Variants in EFCAB8 observed in about 807,000 individuals in gnomAD.
EFCAB8 encodes the protein EF-hand calcium binding domain 8.
In EFCAB8, 100 loss-of-function variants were observed where a neutral mutation model predicts 116.3. The ratio of observed to expected loss-of-function variants is 0.86; its 90% CI spans 0.73 to 1.02. The LOEUF is 1.02. Ranked by LOEUF, EFCAB8 falls within the 50% of genes least tolerant of loss-of-function variation. EFCAB8 has a pLI of 0.00. For missense variants in EFCAB8, 1,320 were observed against 1,416.9 expected, an observed-to-expected ratio of 0.93 and a Z score of 1.10; for synonymous variants, 558 against 567.9, an observed-to-expected ratio of 0.98 and a Z score of 0.25.
chr20:32,917,161 T>C (rs1006232792), intron 17 of EFCAB8, 140 bp from the exon 18 acceptor site: 3 of 659,902 alleles, frequency 4.5e-6, no homozygotes, highest in Non-Finnish European at 5.2e-6. Flanking sequence ...CAATGGGACA[T>C]GGCTTCAGCC....
intron 4 of EFCAB8, 87 bp downstream of exon 4, chr20:32,876,131 G>A: frequency 8.5e-7 from 1 of 1,169,682 alleles, no homozygotes; most frequent in Non-Finnish European, 1.2e-6. Flanking sequence ...GAAGATGGGA[G>A]GCCATCACGA....
chr20:32,891,849 G>C (rs1380964985), intron 7 of EFCAB8, among the ~76,000 whole-genome samples: 1 of 150,716 alleles, frequency 6.6e-6, no homozygotes, highest in Non-Finnish European at 1.5e-5. Flanking sequence ...TTTTAATTGA[G>C]ACAGGGTCTT....
intron 17 of EFCAB8, among the ~76,000 whole-genome samples, chr20:32,916,542 A>G (rs905512531): frequency 6.6e-6 from 1 of 152,156 alleles, no homozygotes; most frequent in Non-Finnish European, 1.5e-5. Flanking sequence ...TATAGGCATG[A>G]GCCACCATGC....
chr20:32,886,847 A>G (rs1985657309), intron 6 of EFCAB8, among the ~76,000 whole-genome samples: 1 of 152,168 alleles, frequency 6.6e-6, no homozygotes, highest in Middle Eastern at 3.2e-3. Flanking sequence ...ACCCACTGTC[A>G]TGCAGATGGA....
chr20:32,930,238 G>T (rs1987842501), intron 20 of EFCAB8, among the ~76,000 whole-genome samples, 160 bp from the exon 21 acceptor site: 1 of 152,196 alleles, frequency 6.6e-6, no homozygotes, highest in Non-Finnish European at 1.5e-5. Flanking sequence ...GACGTTCCTT[G>T]TCACCAGCTG....
chr20:32,950,450 A>T (rs1344163589), intron 23 of EFCAB8, among the ~76,000 whole-genome samples: 5 of 152,238 alleles, frequency 3.3e-5, no homozygotes, highest in Non-Finnish European at 7.3e-5. Context: ...AACAGTCAAC[A>T]GGGACAGGTT....
Position 32,878,671 on chromosome 20 carries a change from A to G in EFCAB8, c.328-33A>G, listed in dbSNP as rs572205831. On this transcript the variant is annotated intron_variant, in intron 4 of 26. Transcript: ENST00000400522. ...TGAAGGCTGAGACCATTTTGCCAAT[A>G]CCCTGCCTCCCTTGTGCTTTCTTTC... is the stretch of plus-strand genomic sequence containing the variant. 193 of 1,531,562 alleles carry G rather than the reference A, an allele frequency of 1.3e-4. 5 individuals carry two copies. The South Asian group carries it at 2.2e-3, about 17-fold the overall frequency. The allele number at this position is 1,531,562 out of a possible 1,614,324, so 94.9% of individuals were successfully genotyped here.
rs569770244 is a variant in EFCAB8 at position 32,946,126 on chromosome 20, T to A, written c.2959+2322T>A. Among the ~76,000 whole-genome samples the A allele has an allele frequency of 8.5e-4, 130 of 152,370 alleles. 1 individual carries two copies. Among genetic ancestry groups the A allele is most frequent in the African/African-American group, 3.0e-3 (123 of 41,596 alleles). ...TTCCACAGAGCGGCAGGAGGGACTC[T>A]GATAGTGTGTGCTAGTCTAAATTGT... On this transcript the variant is annotated intron_variant, in intron 23 of 26. Transcript: ENST00000400522.
At chr20:32,874,315 C>T (rs765442052) in intron 3 of EFCAB8, among the ~76,000 whole-genome samples, 2 of 152,052 alleles carry the variant, frequency 1.3e-5, no homozygotes, top group African/African-American at 4.8e-5. Context: ...CTCTGCCTCC[C>T]GGGTTCAAGC....
At chr20:32,934,634 C>T (rs1259362725) in intron 22 of EFCAB8, among the ~76,000 whole-genome samples, 1 of 152,116 alleles carries the variant, frequency 6.6e-6, no homozygotes, top group Non-Finnish European at 1.5e-5. Context: ...GTGGGAGGGA[C>T]CTGGTGGGAG....
At chr20:32,890,535 A>G (rs943586541) in intron 7 of EFCAB8, among the ~76,000 whole-genome samples, 1 of 152,170 alleles carries the variant, frequency 6.6e-6, no homozygotes, top group African/African-American at 2.4e-5. Context: ...TCAGTGTCTC[A>G]GTGCCTGGTA....
At chr20:32,934,624 G>A (rs1160163700) in intron 22 of EFCAB8, among the ~76,000 whole-genome samples, 5 of 152,174 alleles carry the variant, frequency 3.3e-5, no homozygotes, top group Admixed American at 6.5e-5. Flanking sequence ...CCCAGCTGTC[G>A]TGGGAGGGAC....
At chr20:32,863,907 A>G (rs1218269443) in intron 2 of EFCAB8, 73 bp downstream of exon 2, 2 of 1,500,568 alleles carry the variant, frequency 1.3e-6, no homozygotes, top group Admixed American at 2.0e-5. Flanking sequence ...ACTTACCAGC[A>G]TGGAAGTATA....
chr20:32,958,326 T>A (rs1936201), intron 23 of EFCAB8, 95 bp from the exon 24 acceptor site: 235 of 410,264 alleles, frequency 5.7e-4, no homozygotes, highest in African/African-American at 4.6e-3. Context: ...GGATAGGGGC[T>A]GCTAGCTGAC....
At chr20:32,859,226 C>T (rs750438836) in intron 1 of EFCAB8, among the ~76,000 whole-genome samples, 1 of 152,174 alleles carries the variant, frequency 6.6e-6, no homozygotes, top group African/African-American at 2.4e-5. Context: ...TGAATTCTCA[C>T]CCCTGTTCTG....
intron 15 of EFCAB8, among the ~76,000 whole-genome samples, chr20:32,910,417 A>G (rs1986865536): frequency 6.6e-6 from 1 of 152,138 alleles, no homozygotes; most frequent in African/African-American, 2.4e-5. Context: ...GCAGCTGGGC[A>G]TGAGGAGTTG....
At chr20:32,893,369 G>A (rs1384803712) in intron 9 of EFCAB8, 71 bp downstream of exon 9, 5 of 1,533,028 alleles carry the variant, frequency 3.3e-6, no homozygotes, top group Admixed American at 2.0e-5. Context: ...GGTCATCCTG[G>A]TCCCCGAGCC....
chr20:32,882,111 T>G (rs1985369074), intron 5 of EFCAB8, among the ~76,000 whole-genome samples: 1 of 152,040 alleles, frequency 6.6e-6, no homozygotes. Flanking sequence ...GACAGGAGAA[T>G]TGCTTGAACC....
chr20:32,961,328 G>A lies in EFCAB8; in HGVS notation c.3586G>A (p.Ala1196Thr), dbSNP rs570357443. ...TACCACGGACAGCACGCCTGCGGCC[G>A]CCTCCTCCCCATCTTCCTTGTTATC... is the stretch of plus-strand genomic sequence containing the variant. ...LDTTDSTPAA[A>T]SSPSSLLSVT... The change falls in exon 27 of 27, where the codon GCC becomes ACC. Residue 1196 changes from alanine (A) to threonine (T), a missense_variant. Transcript: ENST00000400522. 258 of 1,489,782 alleles carry A rather than the reference G, an allele frequency of 1.7e-4. 1 individual carries two copies. In the South Asian group the frequency reaches 3.0e-3, roughly 18 times the overall value. The allele number at this position is 1,489,782 out of a possible 1,614,324, so 92.3% of individuals were successfully genotyped here.
Sources: allele counts gnomAD v4.1 joint callset (sites outside exome capture counted in the v4.1 genomes callset), GRCh38; gene constraint gnomAD v4.1.1; transcripts MANE v1.5; gene names NCBI Gene and HGNC (gene_info 2026-07-23, HGNC 2026-07-21).